Variants in RBFOX3 observed in about 807,000 individuals in gnomAD.
RBFOX3 encodes the protein RNA binding fox-1 homolog 3.
Under a neutral mutation model 48.7 loss-of-function variants are expected in RBFOX3, and 17 were observed. The ratio of observed to expected loss-of-function variants is 0.35; its 90% confidence interval spans 0.24 to 0.52. The LOEUF (loss-of-function observed/expected upper bound fraction) is 0.52, where lower values mean the gene tolerates loss of function less well. Among genes scored for constraint, RBFOX3 ranks in the 20% least tolerant of loss-of-function variants. The pLI is 0.94. For missense variants in RBFOX3, 382 were observed against 497.5 expected (o/e 0.77, Z 2.21); for synonymous variants, 212 against 209.5 (o/e 1.01, Z -0.10).
At chr17:79,656,336 G>A in the RBFOX3 span, among the ~76,000 whole-genome samples, 7 of 152,310 alleles carry the variant, frequency 4.6e-5, no homozygotes, top group East Asian at 1.9e-4. Context: ...GGACAAGGCC[G>A]GGCACGGTGG....
intron 1 of RBFOX3, among the ~76,000 whole-genome samples, chr17:79,592,755 G>A (rs2093459707): frequency 1.3e-5 from 2 of 152,204 alleles, no homozygotes; most frequent in African/African-American, 2.4e-5. Flanking sequence ...GCTGTCGTCT[G>A]TTTCAGACTG....
intron 1 of RBFOX3, among the ~76,000 whole-genome samples, chr17:79,546,913 A>G (rs1277071461): frequency 6.6e-6 from 1 of 150,956 alleles, no homozygotes; most frequent in African/African-American, 2.4e-5. Context: ...CAGGTGATCC[A>G]CCCGCCTCAG....
chr17:79,599,766 C>T (rs2093660313), intron 1 of RBFOX3: 1 of 152,208 alleles, frequency 6.6e-6, no homozygotes, highest in Non-Finnish European at 1.5e-5. Context: ...TTGTAGTATC[C>T]AAGTTAATGA....
chr17:79,116,157 C>T (rs2033893696), intron 4 of RBFOX3, among the ~76,000 whole-genome samples: 2 of 152,212 alleles, frequency 1.3e-5, no homozygotes, highest in Admixed American at 1.3e-4. Context: ...ATCCATAAAA[C>T]CACCACCAGC....
intron 4 of RBFOX3, among the ~76,000 whole-genome samples, chr17:79,124,983 C>T (rs141034331): frequency 2.6e-5 from 4 of 152,320 alleles, no homozygotes; most frequent in Non-Finnish European, 5.9e-5. Flanking sequence ...CCTCCACGCG[C>T]TCCTCCGGGC....
chr17:79,424,794 C>A (rs1360425803), intron 2 of RBFOX3, among the ~76,000 whole-genome samples: 2 of 152,178 alleles, frequency 1.3e-5, no homozygotes, highest in African/African-American at 2.4e-5. Context: ...TCAAACCTGG[C>A]CTGCCTGGAC....
At chr17:79,435,916 A>G (rs2069350749) in intron 2 of RBFOX3, among the ~76,000 whole-genome samples, 1 of 152,208 alleles carries the variant, frequency 6.6e-6, no homozygotes, top group Non-Finnish European at 1.5e-5. Flanking sequence ...TAAGTCAAAC[A>G]TAATTGGGAA....
intron 2 of RBFOX3, among the ~76,000 whole-genome samples, chr17:79,472,085 G>A (rs1378941647): frequency 1.3e-5 from 2 of 152,176 alleles, no homozygotes; most frequent in East Asian, 3.9e-4. Context: ...GCCCTCTGCA[G>A]GTGTGCAGGA....
At chr17:79,197,388 C>CATT (rs2055833079) in intron 4 of RBFOX3, among the ~76,000 whole-genome samples, 1 of 112,806 alleles carries the variant, frequency 8.9e-6, no homozygotes, top group African/African-American at 3.1e-5. Context: ...TTCTTTCTTT[C>CATT]TTTTTTTTTT....
Position 79,220,118 on chromosome 17 carries a change from A to G in RBFOX3, c.-34+15648T>C, listed in dbSNP as rs375118153. On this transcript the variant is annotated intron_variant, in intron 4 of 14. Coordinates refer to ENST00000693108, the MANE Select transcript of RBFOX3 (RefSeq NM_001350451.2). This position sits in a 1 kb window ranked among gnomAD's most constrained non-coding sequence, Gnocchi z 5.9. ...TGGGGGGAGCACGCTGAGCTTCCCA[A>G]CATTTCAGCCCCAGATCTGCCCAGA... is the stretch of plus-strand genomic sequence containing the variant. Among the ~76,000 whole-genome samples, 202 of 152,282 alleles carry G rather than the reference A, an allele frequency of 1.3e-3. 2 individuals are homozygous for G. Among genetic ancestry groups the G allele is most frequent in the African/African-American group, 4.8e-3 (199 of 41,546 alleles).
the RBFOX3 span, among the ~76,000 whole-genome samples, chr17:79,654,879 C>T: frequency 6.6e-6 from 1 of 152,210 alleles, no homozygotes; most frequent in Non-Finnish European, 1.5e-5. Flanking sequence ...TATGCAAATG[C>T]CTCCTGGCTG....
At chr17:79,588,551 A>C (rs2093322688) in intron 1 of RBFOX3, among the ~76,000 whole-genome samples, 1 of 152,156 alleles carries the variant, frequency 6.6e-6, no homozygotes, top group African/African-American at 2.4e-5. Context: ...TGATGTGTTG[A>C]GCTATAGCCC....
At chr17:79,542,932 C>T (rs952336052) in intron 1 of RBFOX3, among the ~76,000 whole-genome samples, 6 of 152,198 alleles carry the variant, frequency 3.9e-5, no homozygotes, top group African/African-American at 1.4e-4. Context: ...TGTCCATGTG[C>T]TGGGTCTTGG....
At chr17:79,260,431 G>A (rs944528367) in intron 3 of RBFOX3, among the ~76,000 whole-genome samples, 4 of 152,228 alleles carry the variant, frequency 2.6e-5, no homozygotes, top group African/African-American at 7.2e-5. Flanking sequence ...CTTGGAGCTA[G>A]GAACCCTGAG....
At chr17:79,336,081 C>T (rs977255392) in intron 2 of RBFOX3, among the ~76,000 whole-genome samples, 27 of 152,272 alleles carry the variant, frequency 1.8e-4, no homozygotes, top group African/African-American at 5.3e-4. Flanking sequence ...CCATCACACC[C>T]GTTCTTTTAA....
intron 2 of RBFOX3, among the ~76,000 whole-genome samples, chr17:79,370,389 C>T (rs1434542976): frequency 6.6e-6 from 1 of 152,214 alleles, no homozygotes; most frequent in African/African-American, 2.4e-5. Flanking sequence ...AATGCTGTGG[C>T]CAAGGTGGAC....
At chr17:79,655,345 G>A in the RBFOX3 span, among the ~76,000 whole-genome samples, 2 of 152,076 alleles carry the variant, frequency 1.3e-5, no homozygotes, top group South Asian at 4.1e-4. Context: ...GTGTGCCCAG[G>A]GAAATAACCA....
chr17:79,350,096 G>T (rs115839112), intron 2 of RBFOX3, among the ~76,000 whole-genome samples: 3,204 of 152,252 alleles, frequency 0.021, 124 homozygotes, highest in African/African-American at 0.072. Flanking sequence ...ACTCAAGCCA[G>T]CCAATGGTGG....
chr17:79,510,745 C>T (rs2084027417), intron 1 of RBFOX3, among the ~76,000 whole-genome samples: 2 of 152,164 alleles, frequency 1.3e-5, no homozygotes, highest in Admixed American at 1.3e-4. Flanking sequence ...AGGACGTTTC[C>T]CTGGCATCCG....
Sources: gnomAD v4.1 joint callset for allele counts (sites outside exome capture counted in the v4.1 genomes callset) on GRCh38, gnomAD v4.1.1 for gene constraint, Gnocchi (gnomAD v3.1) non-coding constraint, MANE v1.5 for transcripts, NCBI Gene and HGNC (gene_info 2026-07-23, HGNC 2026-07-21) for gene names.